The following NTF3 variants were observed in gnomAD, a reference collection of about 807,000 sequenced individuals.
NTF3 encodes the protein neurotrophin-3.
Under a neutral mutation model 26.3 loss-of-function variants are expected in NTF3, and 8 were observed. The ratio of observed to expected loss-of-function variants is 0.30; its 90% CI spans 0.18 to 0.55. NTF3 has a LOEUF of 0.55. Ranked by LOEUF, NTF3 falls within the 20% of genes least tolerant of loss-of-function variation. NTF3 has a pLI of 0.93. For missense variants in NTF3, 276 were observed against 352.9 expected (o/e 0.78, Z 1.75); for synonymous variants, 154 against 145.5 (o/e 1.06, Z -0.42).
intron 1 of NTF3, among the ~76,000 whole-genome samples, chr12:5,481,872 C>T (rs566942868): frequency 1.3e-3 from 200 of 151,634 alleles, no homozygotes; most frequent in African/African-American, 4.7e-3. Context: ...CATACACAGA[C>T]ATCACACATG....
chr12:5,469,153 G>A (rs1033944560), intron 1 of NTF3, among the ~76,000 whole-genome samples: 31 of 152,126 alleles, frequency 2.0e-4, no homozygotes, highest in Admixed American at 1.8e-3. Context: ...TGCTGAATCC[G>A]TCTTATAAAT....
chr12:5,493,996 T>C, intron 1 of NTF3, 198 bp from the exon 2 acceptor site: 1 of 592,106 alleles, frequency 1.7e-6, no homozygotes, highest in East Asian at 2.8e-5. Context: ...AGACCTGGAG[T>C]GCATTCGCAG....
rs554359238 is a variant in NTF3, at chr12:5,478,081, C to G, written c.19-16113C>G. ...AGGTTTACTGTGCTTTAAGCTAAAA[C>G]TAGCTGGATATCAAATGTGCTTTTA... On this transcript the variant is annotated intron_variant, in intron 1 of 1. Coordinates refer to ENST00000423158, the MANE Select transcript of NTF3 (RefSeq NM_001102654.2). Among the ~76,000 whole-genome samples the G allele has an allele frequency of 3.3e-5, 5 of 152,314 alleles. No individual in the cohort carries two copies. The East Asian group carries it at 9.6e-4, about 29-fold the overall frequency.
At chr12:5,457,804 C>A (rs1404272159) in intron 1 of NTF3, among the ~76,000 whole-genome samples, 2 of 152,138 alleles carry the variant, frequency 1.3e-5, no homozygotes, top group African/African-American at 4.8e-5. Flanking sequence ...ATAAATGGAA[C>A]CACCTGCGAC....
intron 1 of NTF3, among the ~76,000 whole-genome samples, chr12:5,438,256 G>A (rs1940197456): frequency 1.3e-5 from 2 of 152,060 alleles, no homozygotes; most frequent in African/African-American, 4.8e-5. Flanking sequence ...GTTGTTAATA[G>A]TTTTCCATAA....
chr12:5,488,052 G>C (rs988517295), intron 1 of NTF3, among the ~76,000 whole-genome samples: 7 of 152,206 alleles, frequency 4.6e-5, no homozygotes, highest in Non-Finnish European at 7.3e-5. Context: ...TAAAGTGAAT[G>C]AGGTGGAGGA....
intron 1 of NTF3, among the ~76,000 whole-genome samples, chr12:5,479,472 ACCTGGTGAT>A (rs1202002923): frequency 2.6e-5 from 4 of 152,230 alleles, no homozygotes; most frequent in African/African-American, 7.2e-5. Context: ...AGCTCCACTT[ACCTGGTGAT>A]CACAGGCATG....
chr12:5,466,318 C>G (rs1190570186), intron 1 of NTF3, among the ~76,000 whole-genome samples: 1 of 152,190 alleles, frequency 6.6e-6, no homozygotes, highest in Non-Finnish European at 1.5e-5. Context: ...CAGCTATTGG[C>G]ATTCTGCTTA....
chr12:5,438,236 A>G (rs573530230), intron 1 of NTF3, among the ~76,000 whole-genome samples: 1 of 152,010 alleles, frequency 6.6e-6, no homozygotes, highest in East Asian at 1.9e-4. Flanking sequence ...GCGTTAAAGT[A>G]TTTTTTGTTG....
chr12:5,432,086 C>T, upstream of NTF3: 1 of 571,538 alleles, frequency 1.7e-6, no homozygotes, highest in East Asian at 3.1e-5. Flanking sequence ...CTGGTTATAA[C>T]CGCGCAGATT....
At position 5,460,842 on chromosome 12, in the gene NTF3, A is replaced by G. The variant is rs184057460; in HGVS notation, c.18+28500A>G. On this transcript the variant is annotated intron_variant, in intron 1 of 1. Transcript: ENST00000423158. ...ATTTGATTCCTTGGCAGAGAGGTGTAGGCTTAATTAATTTTTCTCCTTTTT... is the reference window on the plus strand; with the variant it reads ...ATTTGATTCCTTGGCAGAGAGGTGTGGGCTTAATTAATTTTTCTCCTTTTT... Among the ~76,000 whole-genome samples the G allele has an allele frequency of 4.7e-4, 72 of 152,328 alleles. No individual in the cohort carries two copies. In the East Asian group the frequency reaches 0.013, roughly 28 times the overall value.
intron 1 of NTF3, among the ~76,000 whole-genome samples, chr12:5,441,230 C>T (rs971192090): frequency 2.0e-5 from 3 of 152,184 alleles, no homozygotes; most frequent in Admixed American, 6.5e-5. Flanking sequence ...TTGATTATCT[C>T]TAAGGTCTTT....
chr12:5,470,141 G>T (rs1479752840), intron 1 of NTF3, among the ~76,000 whole-genome samples: 1 of 152,116 alleles, frequency 6.6e-6, no homozygotes, highest in African/African-American at 2.4e-5. Context: ...AGCCATGATG[G>T]TCTTGATCTC....
At chr12:5,437,000 T>C (rs1267523580) in intron 1 of NTF3, among the ~76,000 whole-genome samples, 2 of 152,198 alleles carry the variant, frequency 1.3e-5, no homozygotes, top group African/African-American at 4.8e-5. Context: ...TAGGCACCAT[T>C]TGAATAAAAG....
intron 1 of NTF3, among the ~76,000 whole-genome samples, chr12:5,491,992 G>A (rs568598545): frequency 6.6e-6 from 1 of 152,114 alleles, no homozygotes; most frequent in South Asian, 2.1e-4. Flanking sequence ...GGGATTACAG[G>A]CATAAGCCAC....
chr12:5,442,953 G>A lies in NTF3; in HGVS notation c.18+10611G>A, dbSNP rs1940257944. 2.0e-5 allele frequency among the ~76,000 whole-genome samples: 3 copies of A among 152,148 alleles called. 1 individual carries two copies. The highest frequency in any genetic ancestry group is 1.3e-4 in the Admixed American group (2 of 15,270). On this transcript the variant is annotated intron_variant, in intron 1 of 1. Coordinates refer to ENST00000423158, the MANE Select transcript of NTF3 (RefSeq NM_001102654.2). ...GCAGAGAAGCAGACTACAGGATGTG[G>A]CAGTAGATATTTGGTAAGAGGCATC...
At chr12:5,467,451 T>C (rs935883899) in intron 1 of NTF3, among the ~76,000 whole-genome samples, 13 of 152,170 alleles carry the variant, frequency 8.5e-5, no homozygotes, top group African/African-American at 3.1e-4. Flanking sequence ...GCAGACGTCT[T>C]TAGAGTGCTT....
intron 1 of NTF3, among the ~76,000 whole-genome samples, chr12:5,484,127 T>C (rs1940840056): frequency 6.6e-6 from 1 of 152,192 alleles, no homozygotes; most frequent in Non-Finnish European, 1.5e-5. Context: ...CTGCTCTGTG[T>C]GTGACTGTGG....
At chr12:5,467,228 CAAAAAAAAAAAAAAAAAAAA>C (rs60794349) in intron 1 of NTF3, among the ~76,000 whole-genome samples, 14 of 49,546 alleles carry the variant, frequency 2.8e-4, no homozygotes, top group African/African-American at 7.8e-4. Context: ...GACTCCGTCT[CAAAAAAAAAAAAAAAAAAAA>C]AAAAAAAAAA....
Sources: gnomAD v4.1 joint callset for allele counts (sites outside exome capture counted in the v4.1 genomes callset) on GRCh38, gnomAD v4.1.1 for gene constraint, MANE v1.5 for transcripts, NCBI Gene and HGNC (gene_info 2026-07-23, HGNC 2026-07-21) for gene names.